The following CSMD1 variants were observed in gnomAD, a reference collection of about 807,000 sequenced individuals.
CSMD1 encodes the protein CUB and Sushi multiple domains 1.
CSMD1 carries 213 observed loss-of-function variants against 417.5 expected under a neutral mutation model. The observed-to-expected ratio is 0.51, with a 90% CI of 0.46 to 0.57. The LOEUF (loss-of-function observed/expected upper bound fraction) is 0.57, where lower values mean the gene tolerates loss of function less well. CSMD1 is among the 20% of genes least tolerant of loss of function. CSMD1 has a pLI of 0.00. For synonymous variants in CSMD1, 2,862 were observed against 1,736.8 expected, an observed-to-expected ratio of 1.65 and a Z score of -16.11; for missense variants, 6,923 against 4,529.7, an observed-to-expected ratio of 1.53 and a Z score of -15.17.
At chr8:4,179,903 G>C (rs917528783) in intron 3 of CSMD1, among the ~76,000 whole-genome samples, 2 of 152,130 alleles carry the variant, frequency 1.3e-5, no homozygotes, top group Non-Finnish European at 2.9e-5. Context: ...AGTTAGAATG[G>C]CGATCATTAA....
intron 7 of CSMD1, among the ~76,000 whole-genome samples, chr8:3,637,618 G>A (rs915461529): frequency 1.3e-5 from 2 of 151,886 alleles, no homozygotes; most frequent in South Asian, 2.1e-4. Context: ...TATACTGGGT[G>A]CTACTGTTGG....
At chr8:3,058,296 A>G (rs1302848067) in intron 49 of CSMD1, among the ~76,000 whole-genome samples, 1 of 152,232 alleles carries the variant, frequency 6.6e-6, no homozygotes, top group Non-Finnish European at 1.5e-5. Context: ...TAGTACTTTA[A>G]AAATAAATAT....
intron 2 of CSMD1, among the ~76,000 whole-genome samples, chr8:4,443,641 C>T (rs749730933): frequency 3.3e-5 from 5 of 152,272 alleles, no homozygotes; most frequent in Middle Eastern, 3.4e-3. Context: ...AACAGCCATG[C>T]CGTTGACGTG....
At chr8:3,720,744 C>T (rs1171295632) in intron 6 of CSMD1, among the ~76,000 whole-genome samples, 3 of 152,054 alleles carry the variant, frequency 2.0e-5, no homozygotes, top group Non-Finnish European at 4.4e-5. Context: ...ATTCATTTTA[C>T]AGAGCAAAGC....
intron 3 of CSMD1, among the ~76,000 whole-genome samples, chr8:4,391,710 G>A (rs556723272): frequency 1.3e-5 from 2 of 152,088 alleles, no homozygotes; most frequent in South Asian, 4.1e-4. Flanking sequence ...GCTTCCCCAT[G>A]TGAAAAACCT....
chr8:3,500,717 G>C (rs149727100), intron 10 of CSMD1, among the ~76,000 whole-genome samples: 2,082 of 152,306 alleles, frequency 0.014, 46 homozygotes, highest in African/African-American at 0.047. Context: ...TGAGCTCTAA[G>C]ATGAGACGTG....
chr8:3,489,242 T>C (rs1321515643), intron 11 of CSMD1, among the ~76,000 whole-genome samples: 3 of 152,146 alleles, frequency 2.0e-5, no homozygotes, highest in Admixed American at 2.0e-4. Context: ...AATGGATTAA[T>C]CCAGCCCTAA....
chr8:3,646,896 G>C (rs17066739), intron 7 of CSMD1, among the ~76,000 whole-genome samples: 4,059 of 152,190 alleles, frequency 0.027, 123 homozygotes, highest in African/African-American at 0.073. Flanking sequence ...TAGTTTTGAT[G>C]AGTAGGCTTA....
intron 7 of CSMD1, among the ~76,000 whole-genome samples, chr8:3,659,768 G>T (rs577631186): frequency 6.6e-6 from 1 of 152,100 alleles, no homozygotes; most frequent in Non-Finnish European, 1.5e-5. Flanking sequence ...TACTGGTAAA[G>T]ATCTTGAATT....
intron 49 of CSMD1, among the ~76,000 whole-genome samples, chr8:3,072,134 C>G (rs966909965): frequency 9.2e-5 from 14 of 152,290 alleles, no homozygotes; most frequent in African/African-American, 3.1e-4. Flanking sequence ...CAGAAAGTCT[C>G]GAGTCTCAGG....
intron 7 of CSMD1, among the ~76,000 whole-genome samples, chr8:3,688,121 T>C (rs1800041855): frequency 6.6e-6 from 1 of 152,220 alleles, no homozygotes; most frequent in Admixed American, 6.5e-5. Context: ...CTTATCTGCT[T>C]CGAAGTAATT....
intron 1 of CSMD1, among the ~76,000 whole-genome samples, chr8:4,959,321 T>G (rs1199794329): frequency 6.6e-6 from 1 of 152,192 alleles, no homozygotes; most frequent in African/African-American, 2.4e-5. Flanking sequence ...TTCTGGGACC[T>G]TCTTATTCAA....
chr8:3,751,494 T>C (rs929008519), intron 6 of CSMD1, among the ~76,000 whole-genome samples: 16 of 148,744 alleles, frequency 1.1e-4, no homozygotes, highest in Non-Finnish European at 1.6e-4. Context: ...ATAGAATATA[T>C]ATAAATAATG....
At chr8:3,057,820 G>T (rs932833435) in intron 49 of CSMD1, among the ~76,000 whole-genome samples, 2 of 152,154 alleles carry the variant, frequency 1.3e-5, no homozygotes, top group African/African-American at 4.8e-5. Context: ...TATCAGATTA[G>T]TCTTCACTGA....
chr8:3,512,551 C>T lies in CSMD1; in HGVS notation c.1345-18825G>A, dbSNP rs563499200. On this transcript the variant is annotated intron_variant, in intron 10 of 69. Transcript: ENST00000635120. Reference sequence around the variant, plus strand: ...GGTGGGCTGGTGGGTGAGTCCACAGCAGCAGGAGAAATGAACCCTCTCCTC... The same window carrying T: ...GGTGGGCTGGTGGGTGAGTCCACAGTAGCAGGAGAAATGAACCCTCTCCTC... 1.1e-4 allele frequency among the ~76,000 whole-genome samples: 17 copies of T among 151,456 alleles called. No individual in the cohort carries two copies. In the East Asian group the frequency reaches 3.1e-3, roughly 28 times the overall value.
chr8:4,313,924 G>C (rs1798772662), intron 3 of CSMD1, among the ~76,000 whole-genome samples: 1 of 151,998 alleles, frequency 6.6e-6, no homozygotes, highest in African/African-American at 2.4e-5. Context: ...TGAGTCAGGA[G>C]AGTCACTTGA....
chr8:4,394,564 G>C (rs1010618057), intron 3 of CSMD1, among the ~76,000 whole-genome samples: 24 of 152,238 alleles, frequency 1.6e-4, no homozygotes, highest in African/African-American at 1.2e-4. Flanking sequence ...ATGGACTTTG[G>C]TTCAACCCAT....
chr8:4,211,706 G>A (rs1800323272), intron 3 of CSMD1, among the ~76,000 whole-genome samples: 2 of 152,166 alleles, frequency 1.3e-5, no homozygotes, highest in South Asian at 4.1e-4. Flanking sequence ...TGAACATGAA[G>A]CAACCTGACT....
intron 10 of CSMD1, among the ~76,000 whole-genome samples, chr8:3,503,978 G>C (rs950706809): frequency 6.6e-6 from 1 of 152,064 alleles, no homozygotes; most frequent in Non-Finnish European, 1.5e-5. Flanking sequence ...GTTGATTTTG[G>C]GGTATGAAAG....
Sources: allele counts gnomAD v4.1 joint callset (sites outside exome capture counted in the v4.1 genomes callset), GRCh38; gene constraint gnomAD v4.1.1; transcripts MANE v1.5; gene names NCBI Gene and HGNC (gene_info 2026-07-23, HGNC 2026-07-21).